The following MIER1 variants were observed in gnomAD, a reference collection of about 807,000 sequenced individuals.
MIER1 encodes mesoderm induction early response protein 1.
In MIER1, 40 loss-of-function variants were observed where a neutral mutation model predicts 75.7. The ratio of observed to expected loss-of-function variants is 0.53; its 90% CI spans 0.41 to 0.69. MIER1 has a LOEUF of 0.69. Ranked by LOEUF, MIER1 falls within the 30% of genes least tolerant of loss-of-function variation. MIER1 has a pLI of 0.00. For missense variants in MIER1, 574 were observed against 680.2 expected, an observed-to-expected ratio of 0.84 and a Z score of 1.74; for synonymous variants, 213 against 223.4, an observed-to-expected ratio of 0.95 and a Z score of 0.42.
Position 66,972,892 on chromosome 1 carries a change from GT to G in MIER1, c.1007-4del. 6.6e-7 allele frequency: 1 copy of G among 1,514,914 alleles called. No individual in the cohort carries two copies. Among genetic ancestry groups the G allele is most frequent in the Non-Finnish European group, 9.1e-7 (1 of 1,093,374 alleles). 93.8% of individuals were successfully genotyped at this position (1,514,914 alleles called of 1,614,324 possible). A position where few individuals can be genotyped will look rare whatever the true frequency, so the allele number is the denominator to read the frequency against. ...CTTAACAGTTTGTTCCTCCCATCTT[GT>G]CAGAGGAATTATCTGTTTGGACAGA... is the stretch of plus-strand genomic sequence containing the variant. On this transcript the variant is annotated splice_polypyrimidine_tract_variant and splice_region_variant and intron_variant, in intron 10 of 13. Coordinates refer to ENST00000401041, the MANE Select transcript of MIER1 (RefSeq NM_001077700.3).
At chr1:66,954,802 G>T (rs376897474) in intron 4 of MIER1, among the ~76,000 whole-genome samples, 1 of 151,558 alleles carries the variant, frequency 6.6e-6, no homozygotes, top group Non-Finnish European at 1.5e-5. Flanking sequence ...TGCTTCCTGC[G>T]TTCAAGCAAT....
In MIER1 at chr1:66,987,766, T is replaced by C. The variant is rs956996311; in HGVS notation, c.*2866T>C. ...ATGCATGTTATTGACAAGGCAAATATATATATATACACAGTCTGTTTCTTC... is the reference window on the plus strand; with the variant it reads ...ATGCATGTTATTGACAAGGCAAATACATATATATACACAGTCTGTTTCTTC... On this transcript the variant is annotated 3_prime_UTR_variant, in exon 14 of 14. Coordinates refer to ENST00000401041, the MANE Select transcript of MIER1 (RefSeq NM_001077700.3). 2.0e-5 allele frequency: 3 copies of C among 152,202 alleles called. No individual in the cohort carries two copies. The highest frequency in any genetic ancestry group is 7.3e-5 in the African/African-American group (3 of 41,364). 9.4% of individuals were successfully genotyped at this position (152,202 alleles called of 1,614,324 possible).
intron 11 of MIER1, among the ~76,000 whole-genome samples, chr1:66,976,047 G>A (rs1053256638): frequency 6.6e-6 from 1 of 152,068 alleles, no homozygotes; most frequent in Non-Finnish European, 1.5e-5. Context: ...GAGTGCAGTG[G>A]TGTGATCTCA....
chr1:66,965,299 A>G (rs975290781), intron 8 of MIER1, among the ~76,000 whole-genome samples: 23 of 152,180 alleles, frequency 1.5e-4, no homozygotes, highest in Non-Finnish European at 2.5e-4. Context: ...TCTTTCTGCA[A>G]ATAAATGAAC....
intron 3 of MIER1, among the ~76,000 whole-genome samples, chr1:66,942,823 A>G (rs1290172261): frequency 1.3e-5 from 2 of 152,166 alleles, no homozygotes; most frequent in Non-Finnish European, 2.9e-5. Context: ...TTGTTGTTTG[A>G]TGTAATAAGG....
chr1:66,977,819 A>T (rs757546664), intron 12 of MIER1, among the ~76,000 whole-genome samples: 12 of 152,158 alleles, frequency 7.9e-5, no homozygotes, highest in Non-Finnish European at 1.3e-4. Flanking sequence ...ATAATGCAAA[A>T]TAAAAAATAA....
chr1:66,968,072 A>G (rs1363372597), intron 8 of MIER1, among the ~76,000 whole-genome samples: 1 of 152,144 alleles, frequency 6.6e-6, no homozygotes, highest in Non-Finnish European at 1.5e-5. Context: ...TTAGAAAGTA[A>G]TTATGCATAT....
intron 4 of MIER1, among the ~76,000 whole-genome samples, chr1:66,955,373 G>A (rs189365885): frequency 8.5e-5 from 10 of 117,008 alleles, no homozygotes; most frequent in Admixed American, 1.1e-4. Context: ...TTAATTGCAG[G>A]TACTCGGGCC....
intron 4 of MIER1, among the ~76,000 whole-genome samples, chr1:66,952,805 C>T (rs1436432155): frequency 6.6e-6 from 1 of 152,136 alleles, no homozygotes; most frequent in African/African-American, 2.4e-5. Context: ...CCACACCCAG[C>T]TAATTCTTTT....
intron 4 of MIER1, chr1:66,948,022 C>A: frequency 1.0e-6 from 1 of 980,798 alleles, no homozygotes; most frequent in Non-Finnish European, 1.2e-6. Flanking sequence ...TTTTTTTAAC[C>A]ACTGTCCCCT....
chr1:66,968,035 C>T (rs1415638326), intron 8 of MIER1, among the ~76,000 whole-genome samples: 1 of 152,176 alleles, frequency 6.6e-6, no homozygotes, highest in East Asian at 1.9e-4. Flanking sequence ...TAAATTCTAA[C>T]TTAATATTTT....
chr1:66,925,053 G>A lies in MIER1; in HGVS notation c.25G>A (p.Gly9Ser), dbSNP rs1223489851. The stretch of plus-strand genomic sequence containing the variant: ...GATGGATGGGGCTTCTTCAGGCGGT[G>A]GCGGCAGCAGCGAAGGTGGCGGCGG... MDGASSGGGGSSEGGGGSS... is the reference protein window; with the variant it reads MDGASSGGSGSSEGGGGSS... The change falls in exon 1 of 14, where the codon GGC (glycine) becomes AGC (serine). Residue 9 changes from glycine to serine, a missense_variant. By Grantham distance (56) the Gly-to-Ser change is moderately conservative. Transcript: ENST00000401041. 1.9e-6 allele frequency: 3 copies of A among 1,549,016 alleles called. No homozygotes were observed. The highest frequency in any genetic ancestry group is 2.6e-6 in the Non-Finnish European group (3 of 1,146,080).
At chr1:66,940,099 G>A in intron 3 of MIER1, 47 bp downstream of exon 3, 1 of 1,408,288 alleles carries the variant, frequency 7.1e-7, no homozygotes, top group South Asian at 1.2e-5. Context: ...AGTAACATTT[G>A]TCCTACTAGT....
Position 66,988,100 on chromosome 1 carries a change from G to A in MIER1, c.*3200G>A, listed in dbSNP as rs1259378644. ...TAACTGAGGGCTGGTGAATATAATAGGCAATATTTACATGGGGTGTGTAAC... is the reference window on the plus strand; with the variant it reads ...TAACTGAGGGCTGGTGAATATAATAAGCAATATTTACATGGGGTGTGTAAC... On this transcript the variant is annotated 3_prime_UTR_variant, in exon 14 of 14. Transcript: ENST00000401041. 8.0e-6 allele frequency: 1 copy of A among 124,568 alleles called. No individual in the cohort carries two copies. 7.7% of individuals were successfully genotyped at this position (124,568 alleles called of 1,614,324 possible). A position where few individuals can be genotyped will look rare whatever the true frequency, so the allele number is the denominator to read the frequency against.
chr1:66,926,242 G>T lies in MIER1; in HGVS notation c.168G>T (p.Leu56=). The part of the protein sequence containing the change: ...RFNADKTDVM[L]PSVESSSPGG... ...ATGCAGACAAGACGGATGTGATGCT[G>T]GTAGGCAGGGGTACACTTGGAGATT... The change falls in exon 2 of 14, where the codon CTG becomes CTT. Residue 56 remains leucine (L), a splice_region_variant and synonymous_variant. Coordinates refer to ENST00000401041, the MANE Select transcript of MIER1 (RefSeq NM_001077700.3). 2 of 1,605,806 alleles carry T rather than the reference G, an allele frequency of 1.2e-6. No individual in the cohort carries two copies. The highest frequency in any genetic ancestry group is 1.7e-6 in the Non-Finnish European group (2 of 1,172,540).
chr1:66,981,211 G>C (rs947908595), intron 12 of MIER1, among the ~76,000 whole-genome samples: 2 of 152,116 alleles, frequency 1.3e-5, no homozygotes, highest in Admixed American at 1.3e-4. Flanking sequence ...ATGATTTAGA[G>C]AAGAAATGAG....
At chr1:66,925,709 C>T (rs944446485) in intron 1 of MIER1, among the ~76,000 whole-genome samples, 3 of 152,210 alleles carry the variant, frequency 2.0e-5, no homozygotes, top group African/African-American at 7.2e-5. Context: ...TGGCTAGGTC[C>T]CTGGCCTGGA....
chr1:66,931,155 C>T (rs1570052829), intron 2 of MIER1, among the ~76,000 whole-genome samples: 1 of 150,080 alleles, frequency 6.7e-6, no homozygotes, highest in African/African-American at 2.4e-5. Flanking sequence ...TTTCTTTTTG[C>T]TCGTTTTATA....
At chr1:66,950,213 A>G (rs59332340) in intron 4 of MIER1, among the ~76,000 whole-genome samples, 1 of 152,046 alleles carries the variant, frequency 6.6e-6, no homozygotes, top group Non-Finnish European at 1.5e-5. Flanking sequence ...GGTTCAAGCA[A>G]TTCGCCTGCC....
Sources: allele counts gnomAD v4.1 joint callset (sites outside exome capture counted in the v4.1 genomes callset), GRCh38; gene constraint gnomAD v4.1.1; transcripts MANE v1.5; gene names NCBI Gene and HGNC (gene_info 2026-07-23, HGNC 2026-07-21).